The following ARHGAP10 variants were observed in gnomAD, a reference collection of about 807,000 sequenced individuals.
ARHGAP10 encodes the protein Rho GTPase activating protein 10, also known as rho GTPase-activating protein 10.
ARHGAP10 carries 87 observed loss-of-function variants against 108.6 expected under a neutral mutation model. That is an observed-to-expected ratio of 0.80 (90% CI 0.67 to 0.96). The LOEUF is 0.96. ARHGAP10 is among the 40% of genes least tolerant of loss of function. The pLI is 0.00. For synonymous variants in ARHGAP10, 347 were observed against 341.1 expected (o/e 1.02, Z -0.19); for missense variants, 939 against 954.5 (o/e 0.98, Z 0.21).
intron 13 of ARHGAP10, among the ~76,000 whole-genome samples, chr4:147,916,141 C>T (rs985838084): frequency 1.3e-5 from 2 of 152,216 alleles, no homozygotes; most frequent in Non-Finnish European, 2.9e-5. Flanking sequence ...GACTGATGAC[C>T]AGAAGCATTT....
intron 15 of ARHGAP10, among the ~76,000 whole-genome samples, chr4:147,953,906 T>G (rs1226480409): frequency 6.6e-6 from 1 of 151,994 alleles, no homozygotes; most frequent in Non-Finnish European, 1.5e-5. Context: ...GCATAAAATG[T>G]CATCTTAGTA....
At chr4:147,896,746 T>TTTGAATCTA (rs1736007664) in intron 10 of ARHGAP10, among the ~76,000 whole-genome samples, 1 of 152,186 alleles carries the variant, frequency 6.6e-6, no homozygotes, top group Non-Finnish European at 1.5e-5. Context: ...GAGATGGGCA[T>TTTGAATCTA]TTGAATCTAT....
intron 1 of ARHGAP10, among the ~76,000 whole-genome samples, chr4:147,814,175 C>T (rs993274237): frequency 1.3e-5 from 2 of 152,116 alleles, no homozygotes; most frequent in Non-Finnish European, 2.9e-5. Flanking sequence ...CTGTGCTGAG[C>T]AAGTGATAGA....
intron 1 of ARHGAP10, among the ~76,000 whole-genome samples, chr4:147,808,389 T>G (rs1731871241): frequency 6.6e-6 from 1 of 151,566 alleles, no homozygotes. Flanking sequence ...AGCTTAGGGG[T>G]TGATGAGGCT....
At chr4:147,733,302 T>C (rs1197164560) in intron 1 of ARHGAP10, among the ~76,000 whole-genome samples, 3 of 152,106 alleles carry the variant, frequency 2.0e-5, no homozygotes, top group Non-Finnish European at 4.4e-5. Flanking sequence ...CATGCAGAAA[T>C]ACTGAGTTAG....
At chr4:147,891,393 G>A (rs1735790234) in intron 10 of ARHGAP10, among the ~76,000 whole-genome samples, 1 of 152,180 alleles carries the variant, frequency 6.6e-6, no homozygotes, top group Non-Finnish European at 1.5e-5. Context: ...AAATGTGCAG[G>A]ACAGACACAT....
intron 1 of ARHGAP10, among the ~76,000 whole-genome samples, chr4:147,762,591 C>T (rs1055537801): frequency 5.3e-5 from 8 of 151,212 alleles, no homozygotes; most frequent in South Asian, 4.2e-4. Flanking sequence ...AGTGCAGTGG[C>T]GCAATCTCGG....
chr4:147,774,901 T>C (rs2126722585), intron 1 of ARHGAP10, among the ~76,000 whole-genome samples: 1 of 150,902 alleles, frequency 6.6e-6, no homozygotes, highest in African/African-American at 2.5e-5. Context: ...CCTTTCCTCC[T>C]TGATGTATTT....
intron 1 of ARHGAP10, among the ~76,000 whole-genome samples, chr4:147,751,658 C>T (rs1256896554): frequency 1.3e-5 from 2 of 151,960 alleles, no homozygotes; most frequent in Non-Finnish European, 2.9e-5. Flanking sequence ...TGAGCCACTG[C>T]ACCTGGCCTT....
intron 1 of ARHGAP10, among the ~76,000 whole-genome samples, chr4:147,747,476 A>G (rs907274169): frequency 6.6e-6 from 1 of 152,258 alleles, no homozygotes; most frequent in Non-Finnish European, 1.5e-5. Flanking sequence ...AGTGGGTGGT[A>G]TGCAGATAGC....
intron 20 of ARHGAP10, among the ~76,000 whole-genome samples, chr4:148,057,289 G>T (rs1343543117): frequency 6.6e-6 from 1 of 152,108 alleles, no homozygotes; most frequent in Non-Finnish European, 1.5e-5. Context: ...TCCTTCAATG[G>T]CCCCTCTTTG....
chr4:147,887,058 A>G (rs1735599016), intron 10 of ARHGAP10, among the ~76,000 whole-genome samples: 1 of 152,078 alleles, frequency 6.6e-6, no homozygotes, highest in Admixed American at 6.6e-5. Flanking sequence ...TGCCCGGCCC[A>G]TGCTATGTTT....
intron 20 of ARHGAP10, among the ~76,000 whole-genome samples, chr4:148,051,888 A>G (rs144721560): frequency 6.9e-4 from 105 of 152,278 alleles, no homozygotes; most frequent in Admixed American, 1.2e-3. Context: ...ATTCTCGTCA[A>G]TGCAATCACT....
At chr4:148,012,743 G>A (rs1418492773) in intron 18 of ARHGAP10, among the ~76,000 whole-genome samples, 1 of 152,156 alleles carries the variant, frequency 6.6e-6, no homozygotes, top group African/African-American at 2.4e-5. Context: ...CACGTCTCAT[G>A]TATAACCAGG....
intron 18 of ARHGAP10, among the ~76,000 whole-genome samples, chr4:148,008,271 G>A (rs1188763309): frequency 1.3e-5 from 2 of 151,996 alleles, no homozygotes; most frequent in Non-Finnish European, 2.9e-5. Flanking sequence ...TCTTGCTCAG[G>A]AAATTAATCA....
chr4:147,937,172 T>C (rs1737985557), intron 13 of ARHGAP10, among the ~76,000 whole-genome samples: 2 of 152,154 alleles, frequency 1.3e-5, no homozygotes, highest in South Asian at 4.1e-4. Flanking sequence ...AAATCAATTT[T>C]CTCACAATTC....
intron 18 of ARHGAP10, among the ~76,000 whole-genome samples, chr4:147,997,617 G>A (rs2149641490): frequency 6.6e-6 from 1 of 152,328 alleles, no homozygotes; most frequent in East Asian, 1.9e-4. Context: ...CACAGGTATA[G>A]AACCAGACAC....
intron 19 of ARHGAP10, among the ~76,000 whole-genome samples, chr4:148,036,066 CTGTGTG>C (rs61692055): frequency 2.4e-4 from 34 of 142,756 alleles, no homozygotes; most frequent in African/African-American, 5.7e-4. Flanking sequence ...GGAGCTGCCT[CTGTGTG>C]TGTGTGTGTG....
At chr4:147,754,869 G>C (rs373184867) in intron 1 of ARHGAP10, among the ~76,000 whole-genome samples, 269 of 152,244 alleles carry the variant, frequency 1.8e-3, no homozygotes, top group Middle Eastern at 0.014. Flanking sequence ...GGAGGCGGCT[G>C]GATCACCTGA....
Sources: gnomAD v4.1 joint callset for allele counts (sites outside exome capture counted in the v4.1 genomes callset) on GRCh38, gnomAD v4.1.1 for gene constraint, MANE v1.5 for transcripts, NCBI Gene and HGNC (gene_info 2026-07-23, HGNC 2026-07-21) for gene names.